Variants in RFT1 observed in about 807,000 individuals in gnomAD.
The protein encoded by RFT1 is RFT1 glycolipid translocator homolog.
RFT1 carries 43 observed loss-of-function variants against 62.2 expected under a neutral mutation model. The observed-to-expected ratio is 0.69, with a 90% confidence interval of 0.54 to 0.89. The LOEUF is 0.89. RFT1 is among the 40% of genes least tolerant of loss of function. The pLI is 0.00. For missense variants in RFT1, 605 were observed against 649.9 expected, an observed-to-expected ratio of 0.93 and a Z score of 0.75; for synonymous variants, 262 against 264.6, an observed-to-expected ratio of 0.99 and a Z score of 0.10.
chr3:53,074,293 C>T, the RFT1 span, among the ~76,000 whole-genome samples: 1 of 152,228 alleles, frequency 6.6e-6, no homozygotes. Flanking sequence ...ATTTCTTCTG[C>T]TCCTAGTTCT....
At chr3:53,126,430 C>A (rs1183418127) in intron 1 of RFT1, among the ~76,000 whole-genome samples, 2 of 152,168 alleles carry the variant, frequency 1.3e-5, no homozygotes, top group Admixed American at 1.3e-4. Flanking sequence ...AGCAGACTCA[C>A]CAGAAATCAT....
Position 53,111,872 on chromosome 3 carries a change from T to C in RFT1, c.733A>G (p.Ser245Gly), listed in dbSNP as rs776870360. 6.2e-7 allele frequency: 1 copy of C among 1,613,970 alleles called. No individual in the cohort carries two copies. The highest frequency in any genetic ancestry group is 1.1e-5 in the South Asian group (1 of 91,076). The stretch of plus-strand genomic sequence containing the variant: ...TTCAAGAAAGACTGTTTGAAAAAAC[T>C]CCAAGTCAGTTTAGCCTCTTTCCAG... Reference protein sequence around the residue: ...INWKEAKLTWSFFKQSFLKQI... With the variant: ...INWKEAKLTWGFFKQSFLKQI... The change falls in exon 7 of 13, where the codon AGT (serine) becomes GGT (glycine). Residue 245 changes from serine (S) to glycine (G), a missense_variant. Coordinates refer to ENST00000296292, the MANE Select transcript of RFT1 (RefSeq NM_052859.4).
At chr3:53,086,313 T>C (rs1019569075), downstream of RFT1, among the ~76,000 whole-genome samples, 2 of 152,144 alleles carry the variant, frequency 1.3e-5, no homozygotes, top group Non-Finnish European at 2.9e-5. Context: ...TGCTTTTTTT[T>C]CTTTTTTACT....
chr3:53,072,921 G>C, the RFT1 span, among the ~76,000 whole-genome samples: 2 of 140,938 alleles, frequency 1.4e-5, no homozygotes, highest in Non-Finnish European at 2.9e-5. Flanking sequence ...CTCTCTGCCT[G>C]CTCTAGTGCC....
At chr3:53,103,870 T>G in intron 10 of RFT1, 83 bp downstream of exon 10, 1 of 1,531,642 alleles carries the variant, frequency 6.5e-7, no homozygotes, top group East Asian at 2.3e-5. Context: ...ATAACAACTG[T>G]GTGTGCACAA....
the RFT1 span, among the ~76,000 whole-genome samples, chr3:53,075,071 C>A: frequency 2.6e-5 from 4 of 152,188 alleles, no homozygotes. Flanking sequence ...CCCCTTGCCC[C>A]ACAGGTGTAT....
the RFT1 span, among the ~76,000 whole-genome samples, chr3:53,074,168 C>G: frequency 6.6e-6 from 1 of 152,094 alleles, no homozygotes; most frequent in Non-Finnish European, 1.5e-5. Flanking sequence ...TGTCCCAGGG[C>G]CAGGGCAGAA....
chr3:53,085,013 CTT>C (rs1700827778), downstream of RFT1, among the ~76,000 whole-genome samples: 1 of 148,968 alleles, frequency 6.7e-6, no homozygotes, highest in Non-Finnish European at 1.5e-5. Flanking sequence ...CAGTGGCTGT[CTT>C]ATAATCTGTG....
Position 53,092,464 on chromosome 3 carries a change from G to C in RFT1, c.1363C>G (p.Arg455Gly), listed in dbSNP as rs1348846125. 3 of 1,612,000 alleles carry C rather than the reference G, an allele frequency of 1.9e-6. No homozygotes were observed. The highest frequency in any genetic ancestry group is 1.7e-5 in the Admixed American group (1 of 59,774). ...QSLCFIHRYYRRSPHRPLAGL... is the reference protein window; with the variant it reads ...QSLCFIHRYYGRSPHRPLAGL... ...GCCAGGGGCCTGTGGGGGCTCCTTC[G>C]GTAGTAGCGGTGGATGAAGCAAAGG... Residue 455 changes from arginine to glycine, a missense_variant, in exon 12 of 13, where the codon CGA (arginine) becomes GGA (glycine). Arg to Gly is a moderately radical substitution (Grantham distance 125). Transcript: ENST00000296292.
At chr3:53,073,798 G>A in the RFT1 span, among the ~76,000 whole-genome samples, 1 of 152,132 alleles carries the variant, frequency 6.6e-6, no homozygotes, top group African/African-American at 2.4e-5. Flanking sequence ...CCCAATGCTC[G>A]GGGAGCTCCC....
chr3:53,092,340 A>G (rs1437099278), intron 12 of RFT1, 29 bp downstream of exon 12: 1 of 1,586,190 alleles, frequency 6.3e-7, no homozygotes, highest in Non-Finnish European at 8.6e-7. Flanking sequence ...CTGCAGAAGC[A>G]TGTGGCATGA....
At chr3:53,112,456 TCCAGG>T (rs757362833) in intron 6 of RFT1, among the ~76,000 whole-genome samples, 1 of 152,148 alleles carries the variant, frequency 6.6e-6, no homozygotes, top group Non-Finnish European at 1.5e-5. Flanking sequence ...CTTCTAAAAC[TCCAGG>T]CCAGGCGAGG....
the RFT1 span, among the ~76,000 whole-genome samples, chr3:53,074,936 G>T: frequency 3.3e-5 from 5 of 152,182 alleles, no homozygotes; most frequent in Admixed American, 3.3e-4. Flanking sequence ...CAAGAGGCTG[G>T]CTCTGGAACT....
chr3:53,117,536 T>C (rs1177088986), intron 6 of RFT1, among the ~76,000 whole-genome samples: 2 of 152,232 alleles, frequency 1.3e-5, no homozygotes. Flanking sequence ...TATCACTATG[T>C]GTGACAGGTA....
chr3:53,109,186 AGT>A (rs1306110153), intron 7 of RFT1, among the ~76,000 whole-genome samples: 1 of 151,984 alleles, frequency 6.6e-6, no homozygotes, highest in Non-Finnish European at 1.5e-5. Flanking sequence ...CTCACCACCT[AGT>A]GTGTCTTTTC....
At chr3:53,108,730 C>T (rs1349140842) in intron 7 of RFT1, among the ~76,000 whole-genome samples, 3 of 145,500 alleles carry the variant, frequency 2.1e-5, no homozygotes, top group African/African-American at 7.8e-5. Flanking sequence ...GACAGAGTTT[C>T]GCTCTTGTCG....
the RFT1 span, among the ~76,000 whole-genome samples, chr3:53,072,121 G>A: frequency 5.9e-5 from 9 of 152,326 alleles, no homozygotes; most frequent in African/African-American, 2.2e-4. Flanking sequence ...CCTCTGCCTG[G>A]GAGTGTCAGG....
At chr3:53,126,796 G>C (rs1702121639) in intron 1 of RFT1, among the ~76,000 whole-genome samples, 1 of 152,208 alleles carries the variant, frequency 6.6e-6, no homozygotes, top group South Asian at 2.1e-4. Context: ...GCTAAATGGG[G>C]ATGCTGGGAA....
In RFT1 at chr3:53,122,507, A is replaced by C; in HGVS notation, c.323T>G (p.Leu108Arg). The change falls in exon 4 of 13, where the codon CTT becomes CGT. Residue 108 changes from leucine to arginine, a missense_variant. Leu to Arg is a moderately radical substitution (Grantham distance 102, BLOSUM62 -2). Coordinates refer to ENST00000296292, the MANE Select transcript of RFT1 (RefSeq NM_052859.4). ...GACAACATTAGGATCAGGCACTTCA[A>C]GCAGCTGCAACCAGATCCAGCCCAG... is the stretch of plus-strand genomic sequence containing the variant. ...LFLGWIWLQL[L>R]EVPDPNVVPH... 1 of 1,614,058 alleles carries C rather than the reference A, an allele frequency of 6.2e-7. No homozygotes were observed. Among genetic ancestry groups the C allele is most frequent in the South Asian group, 1.1e-5 (1 of 91,078 alleles).
Sources: allele counts gnomAD v4.1 joint callset (sites outside exome capture counted in the v4.1 genomes callset), GRCh38; gene constraint gnomAD v4.1.1; transcripts MANE v1.5; gene names NCBI Gene and HGNC (gene_info 2026-07-23, HGNC 2026-07-21).